CORIN: variants seen among roughly 807,000 people sequenced by gnomAD.
CORIN encodes corin, serine peptidase.
In CORIN, 117 loss-of-function variants were observed where a neutral mutation model predicts 125.3. The ratio of observed to expected loss-of-function variants is 0.93; its 90% CI spans 0.80 to 1.09. CORIN has a LOEUF of 1.09. CORIN is among the 50% of genes least tolerant of loss of function. The pLI is 0.00. For synonymous variants in CORIN, 450 were observed against 466.4 expected (o/e 0.96, Z 0.45); for missense variants, 1,253 against 1,306.7 (o/e 0.96, Z 0.63).
At chr4:47,596,894 T>G (rs1356723094) in intron 21 of CORIN, among the ~76,000 whole-genome samples, 1 of 152,176 alleles carries the variant, frequency 6.6e-6, no homozygotes, top group African/African-American at 2.4e-5. Flanking sequence ...TTTATATTAT[T>G]TATTATATCT....
At chr4:47,782,553 A>G (rs1472177617) in intron 3 of CORIN, among the ~76,000 whole-genome samples, 1 of 152,230 alleles carries the variant, frequency 6.6e-6, no homozygotes, top group Non-Finnish European at 1.5e-5. Context: ...GTATAAACCC[A>G]AGAGAACCAG....
intron 1 of CORIN, among the ~76,000 whole-genome samples, chr4:47,812,133 T>C (rs1254625559): frequency 6.6e-6 from 1 of 152,198 alleles, no homozygotes; most frequent in Non-Finnish European, 1.5e-5. Flanking sequence ...TATTTGTTGC[T>C]GTAGTGCAAA....
At chr4:47,762,816 G>A (rs1729530489) in intron 4 of CORIN, among the ~76,000 whole-genome samples, 1 of 152,172 alleles carries the variant, frequency 6.6e-6, no homozygotes, top group Non-Finnish European at 1.5e-5. Flanking sequence ...TGAGGTCAGG[G>A]TATTTATCCT....
chr4:47,622,034 A>G (rs1242177215), intron 19 of CORIN, among the ~76,000 whole-genome samples: 3 of 111,746 alleles, frequency 2.7e-5, no homozygotes, highest in South Asian at 6.3e-4. Flanking sequence ...AGAGTGTGAT[A>G]TTCCCCTTCC....
intron 2 of CORIN, among the ~76,000 whole-genome samples, chr4:47,805,461 T>G (rs1387281547): frequency 6.6e-6 from 1 of 152,114 alleles, no homozygotes; most frequent in Admixed American, 6.5e-5. Flanking sequence ...TTTTAATGCA[T>G]CCAATGCCTT....
intron 3 of CORIN, among the ~76,000 whole-genome samples, chr4:47,771,912 G>A (rs958375534): frequency 7.2e-5 from 11 of 152,164 alleles, no homozygotes; most frequent in Admixed American, 1.3e-4. Context: ...GCAATGCCAC[G>A]TAAATTATCA....
At chr4:47,735,315 T>C (rs1486604134) in intron 5 of CORIN, among the ~76,000 whole-genome samples, 1 of 152,174 alleles carries the variant, frequency 6.6e-6, no homozygotes, top group Admixed American at 6.5e-5. Flanking sequence ...AGAATACTTA[T>C]TTTAAATTCT....
intron 5 of CORIN, among the ~76,000 whole-genome samples, chr4:47,728,654 C>A (rs1021263995): frequency 6.6e-6 from 1 of 152,144 alleles, no homozygotes; most frequent in African/African-American, 2.4e-5. Context: ...TGACTTGTTG[C>A]TAAAAATTTC....
At chr4:47,645,256 A>G in intron 13 of CORIN, 62 bp from the exon 14 acceptor site, 2 of 1,047,664 alleles carry the variant, frequency 1.9e-6, no homozygotes, top group Non-Finnish European at 2.9e-6. Flanking sequence ...GATAAATTCA[A>G]TCAATGTAGA....
At chr4:47,632,385 A>AT (rs1276140495) in intron 16 of CORIN, 1 of 152,220 alleles carries the variant, frequency 6.6e-6, no homozygotes, top group Non-Finnish European at 1.5e-5. Context: ...AACTTGAAAC[A>AT]TTTATACTAA....
intron 5 of CORIN, among the ~76,000 whole-genome samples, chr4:47,735,286 T>C (rs1728072346): frequency 6.6e-6 from 1 of 152,208 alleles, no homozygotes; most frequent in Non-Finnish European, 1.5e-5. Flanking sequence ...GCATCCTGTT[T>C]ACCCATAAAG....
intron 4 of CORIN, among the ~76,000 whole-genome samples, chr4:47,756,504 T>G (rs1729153372): frequency 6.6e-6 from 1 of 152,184 alleles, no homozygotes; most frequent in Non-Finnish European, 1.5e-5. Flanking sequence ...TTGAGGAAAC[T>G]CATTTGGTTC....
intron 11 of CORIN, 38 bp downstream of exon 11, chr4:47,664,994 G>A: frequency 6.9e-7 from 1 of 1,447,312 alleles, no homozygotes; most frequent in Non-Finnish European, 9.7e-7. Flanking sequence ...TTCTCTCTGA[G>A]GCAAAATAAG....
At chr4:47,716,918 A>T (rs1355709544) in intron 5 of CORIN, among the ~76,000 whole-genome samples, 1 of 152,310 alleles carries the variant, frequency 6.6e-6, no homozygotes, top group East Asian at 1.9e-4. Flanking sequence ...CTGTTGGAAG[A>T]CATGTATATA....
intron 3 of CORIN, among the ~76,000 whole-genome samples, chr4:47,774,300 G>A (rs1388034298): frequency 6.6e-6 from 1 of 152,024 alleles, no homozygotes; most frequent in Non-Finnish European, 1.5e-5. Context: ...CCGGGAACAG[G>A]TGGGAGCCCC....
At chr4:47,816,460 T>C (rs1197258876) in intron 1 of CORIN, among the ~76,000 whole-genome samples, 1 of 152,216 alleles carries the variant, frequency 6.6e-6, no homozygotes, top group East Asian at 1.9e-4. Flanking sequence ...TTCTGTGTTA[T>C]AGGGCTATAA....
At chr4:47,745,309 C>T (rs1482256285) in intron 4 of CORIN, among the ~76,000 whole-genome samples, 1 of 152,226 alleles carries the variant, frequency 6.6e-6, no homozygotes, top group Non-Finnish European at 1.5e-5. Context: ...TGCTTCCTTG[C>T]AGACCCAGGT....
intron 1 of CORIN, among the ~76,000 whole-genome samples, chr4:47,809,397 T>C (rs1032666677): frequency 4.1e-5 from 3 of 73,640 alleles, no homozygotes; most frequent in African/African-American, 9.7e-5. Flanking sequence ...AATTGATTGC[T>C]TTTTTTTTTT....
chr4:47,631,828 A>T (rs1722819092), intron 16 of CORIN, among the ~76,000 whole-genome samples: 1 of 152,066 alleles, frequency 6.6e-6, no homozygotes, highest in Non-Finnish European at 1.5e-5. Context: ...CTGGGCCTGA[A>T]GGCAGTGCTA....
Sources: allele counts gnomAD v4.1 joint callset (sites outside exome capture counted in the v4.1 genomes callset), GRCh38; gene constraint gnomAD v4.1.1; transcripts MANE v1.5; gene names NCBI Gene and HGNC (gene_info 2026-07-23, HGNC 2026-07-21).